Variants in PALLD observed in about 807,000 individuals in gnomAD.
PALLD encodes palladin.
In PALLD, 61 loss-of-function variants were observed where a neutral mutation model predicts 123.5. The ratio of observed to expected loss-of-function variants is 0.49; its 90% confidence interval spans 0.40 to 0.61. PALLD has a LOEUF of 0.61. Ranked by LOEUF, PALLD falls within the 20% of genes least tolerant of loss-of-function variation. The pLI is 0.00. For missense variants in PALLD, 1,273 were observed against 1,377.0 expected (o/e 0.92, Z 1.20); for synonymous variants, 465 against 496.4 (o/e 0.94, Z 0.84).
At chr4:168,738,879 GA>G (rs1467542556) in intron 10 of PALLD, among the ~76,000 whole-genome samples, 1 of 151,384 alleles carries the variant, frequency 6.6e-6, no homozygotes, top group African/African-American at 2.4e-5. Flanking sequence ...AATATTTCTT[GA>G]AAAAAATAGT....
chr4:168,529,544 A>G (rs1764409838), intron 2 of PALLD, among the ~76,000 whole-genome samples: 1 of 152,058 alleles, frequency 6.6e-6, no homozygotes, highest in African/African-American at 2.4e-5. Flanking sequence ...TTTCCCCCCA[A>G]AGAAATGAAT....
rs532396746 is a variant in PALLD at position 168,781,339 on chromosome 4, A to G, written c.1964+69416A>G. Among the ~76,000 whole-genome samples the G allele has an allele frequency of 3.9e-5, 6 of 152,244 alleles. No individual in the cohort carries two copies. The South Asian group carries it at 1.2e-3, about 32-fold the overall frequency. ...CCTGCATTTTGGCCAGTTTCAAGTCAGAAGTGGGCAGAGCCTAGTTAATTG... is the reference window on the plus strand; with the variant it reads ...CCTGCATTTTGGCCAGTTTCAAGTCGGAAGTGGGCAGAGCCTAGTTAATTG... On this transcript the variant is annotated intron_variant, in intron 10 of 21. Coordinates refer to ENST00000505667, the MANE Select transcript of PALLD (RefSeq NM_001166108.2).
intron 10 of PALLD, among the ~76,000 whole-genome samples, chr4:168,733,848 C>T (rs1026776156): frequency 1.3e-5 from 2 of 152,212 alleles, no homozygotes; most frequent in Non-Finnish European, 2.9e-5. Context: ...CATTCTCCTG[C>T]CTCAGCCTCC....
rs78509129 is a variant in PALLD at position 168,693,913 on chromosome 4, G to A, written c.1501+2621G>A. Among the ~76,000 whole-genome samples, 13 of 152,216 alleles carry A rather than the reference G, an allele frequency of 8.5e-5. No individual in the cohort carries two copies. The East Asian group carries it at 9.6e-4, about 11-fold the overall frequency. Reference sequence around the variant, plus strand: ...AACCCTTAAACACATGAATGACCACGCAAGTGACTAATTATATGAGTTGTT... The same window carrying A: ...AACCCTTAAACACATGAATGACCACACAAGTGACTAATTATATGAGTTGTT... On this transcript the variant is annotated intron_variant, in intron 8 of 21. Coordinates refer to ENST00000505667, the MANE Select transcript of PALLD (RefSeq NM_001166108.2).
chr4:168,571,084 A>T (rs1241376461), intron 2 of PALLD, among the ~76,000 whole-genome samples: 1 of 152,128 alleles, frequency 6.6e-6, no homozygotes, highest in Admixed American at 6.6e-5. Context: ...TAAAGAAAAA[A>T]CATAGAGAGC....
intron 10 of PALLD, among the ~76,000 whole-genome samples, chr4:168,763,894 C>A (rs992439707): frequency 3.3e-5 from 5 of 152,196 alleles, no homozygotes; most frequent in Non-Finnish European, 5.9e-5. Flanking sequence ...GCCTTAGAAG[C>A]CCTCTCCCAC....
chr4:168,807,322 C>T (rs1740366301), intron 10 of PALLD, among the ~76,000 whole-genome samples: 1 of 151,896 alleles, frequency 6.6e-6, no homozygotes, highest in African/African-American at 2.4e-5. Context: ...CTCAGTTTAA[C>T]CTAATTCAAC....
intron 10 of PALLD, among the ~76,000 whole-genome samples, chr4:168,812,342 A>C (rs1388684266): frequency 6.6e-6 from 1 of 152,150 alleles, no homozygotes; most frequent in Non-Finnish European, 1.5e-5. Flanking sequence ...TTATTGCTTC[A>C]TGAAGGTGGT....
chr4:168,890,860 C>A (rs747735287), intron 10 of PALLD, 62 bp from the exon 11 acceptor site: 5 of 1,571,542 alleles, frequency 3.2e-6, no homozygotes, highest in Non-Finnish European at 4.4e-6. Context: ...TGGACTTGAA[C>A]GTTTGACTTG....
chr4:168,860,550 G>A (rs922612366), intron 10 of PALLD, among the ~76,000 whole-genome samples: 3 of 152,196 alleles, frequency 2.0e-5, no homozygotes, highest in Admixed American at 6.5e-5. Context: ...AGAGCCAGGC[G>A]CAGTGGCTAC....
intron 10 of PALLD, among the ~76,000 whole-genome samples, chr4:168,859,615 G>A (rs191995913): frequency 1.3e-5 from 2 of 152,168 alleles, no homozygotes; most frequent in Admixed American, 1.3e-4. Flanking sequence ...CCCAAATATC[G>A]GTCCCTCAGA....
intron 2 of PALLD, among the ~76,000 whole-genome samples, chr4:168,611,072 G>T (rs1773681211): frequency 6.6e-6 from 1 of 152,196 alleles, no homozygotes; most frequent in South Asian, 2.1e-4. Flanking sequence ...AGCTGTCCAT[G>T]ATTACATACC....
chr4:168,671,418 C>T (rs139335829), intron 3 of PALLD, among the ~76,000 whole-genome samples: 261 of 152,324 alleles, frequency 1.7e-3, no homozygotes, highest in African/African-American at 6.1e-3. Context: ...CAGTGCCCAG[C>T]TTTCCATGTG....
chr4:168,673,885 G>A (rs1286982968), intron 3 of PALLD, among the ~76,000 whole-genome samples: 1 of 108,334 alleles, frequency 9.2e-6, no homozygotes, highest in East Asian at 2.6e-4. Context: ...TCTTTTGAAC[G>A]TGCTGTGTGT....
intron 2 of PALLD, among the ~76,000 whole-genome samples, chr4:168,583,194 G>T (rs1770466264): frequency 6.6e-6 from 1 of 152,072 alleles, no homozygotes; most frequent in African/African-American, 2.4e-5. Context: ...TGTTTTATTA[G>T]GAAAAGTTAG....
intron 16 of PALLD, 120 bp from the exon 17 acceptor site, chr4:168,915,775 T>G (rs946054787): frequency 2.7e-6 from 2 of 753,620 alleles, no homozygotes; most frequent in African/African-American, 3.5e-5. Flanking sequence ...ATCTTAGCTG[T>G]AGGGATCAGA....
chr4:168,634,228 C>G (rs1167022562), intron 2 of PALLD, among the ~76,000 whole-genome samples: 1 of 152,212 alleles, frequency 6.6e-6, no homozygotes, highest in African/African-American at 2.4e-5. Context: ...TGGGTCATTT[C>G]TAATCGTAAC....
intron 10 of PALLD, among the ~76,000 whole-genome samples, chr4:168,721,288 C>A (rs1785988416): frequency 6.6e-6 from 1 of 151,966 alleles, no homozygotes; most frequent in South Asian, 2.1e-4. Context: ...GGGTAGAGAC[C>A]TTTTATTTTA....
intron 2 of PALLD, among the ~76,000 whole-genome samples, chr4:168,605,886 C>A (rs1371249945): frequency 6.6e-6 from 1 of 152,190 alleles, no homozygotes; most frequent in South Asian, 2.1e-4. Context: ...CAGACTTGGG[C>A]TACGCCAATG....
Sources: allele counts gnomAD v4.1 joint callset (sites outside exome capture counted in the v4.1 genomes callset), GRCh38; gene constraint gnomAD v4.1.1; transcripts MANE v1.5; gene names NCBI Gene and HGNC (gene_info 2026-07-23, HGNC 2026-07-21).